PAG1: variants seen among roughly 807,000 people sequenced by gnomAD.
PAG1 encodes the protein phosphoprotein membrane anchor with glycosphingolipid microdomains 1, also known as phosphoprotein associated with glycosphingolipid-enriched microdomains 1.
PAG1 carries 23 observed loss-of-function variants against 31.7 expected under a neutral mutation model. The ratio of observed to expected loss-of-function variants is 0.73; its 90% CI spans 0.52 to 1.03. The LOEUF (loss-of-function observed/expected upper bound fraction) is 1.03, where lower values mean the gene tolerates loss of function less well. Ranked by LOEUF, PAG1 falls within the 50% of genes least tolerant of loss-of-function variation. PAG1 has a pLI of 0.00. For synonymous variants in PAG1, 214 were observed against 210.3 expected (o/e 1.02, Z -0.15); for missense variants, 473 against 540.7 (o/e 0.87, Z 1.24).
chr8:81,020,282 G>A (rs554758015), intron 3 of PAG1, among the ~76,000 whole-genome samples: 22 of 152,284 alleles, frequency 1.4e-4, no homozygotes, highest in African/African-American at 5.1e-4. Flanking sequence ...AGGAAGGCAT[G>A]ATTGGTTTTG....
intron 2 of PAG1, among the ~76,000 whole-genome samples, chr8:81,061,993 T>C (rs1005159988): frequency 2.6e-5 from 4 of 152,216 alleles, no homozygotes; most frequent in African/African-American, 9.6e-5. Context: ...TCATTTTTGG[T>C]GTCTTTGAGG....
intron 3 of PAG1, among the ~76,000 whole-genome samples, chr8:81,014,001 C>T (rs143785027): frequency 1.3e-5 from 2 of 152,168 alleles, no homozygotes; most frequent in African/African-American, 4.8e-5. Flanking sequence ...CACATATTTG[C>T]ATTGACATTT....
At chr8:81,000,355 A>AG (rs1231683090) in intron 3 of PAG1, among the ~76,000 whole-genome samples, 1 of 152,204 alleles carries the variant, frequency 6.6e-6, no homozygotes, top group Non-Finnish European at 1.5e-5. Context: ...GAAGGGAAGG[A>AG]GAGTAATAGG....
intron 1 of PAG1, among the ~76,000 whole-genome samples, chr8:81,083,489 G>A (rs1483637295): frequency 6.6e-6 from 1 of 152,084 alleles, no homozygotes; most frequent in Non-Finnish European, 1.5e-5. Context: ...GGACACCCCA[G>A]CTCTCAATTT....
rs1809070513 is a variant in PAG1, at chr8:81,070,173, G to A, written c.-233-3C>T. 6.6e-6 allele frequency: 1 copy of A among 152,072 alleles called. No individual in the cohort carries two copies. The highest frequency in any genetic ancestry group is 2.4e-5 in the African/African-American group (1 of 41,406). 9.4% of individuals were successfully genotyped at this position (152,072 alleles called of 1,614,324 possible). ...ATAGGAGAAAAATCTCGTGTTTTCTGGAAAAGAAACACAAGAGAAAACAAT... is the reference window on the plus strand; with the variant it reads ...ATAGGAGAAAAATCTCGTGTTTTCTAGAAAAGAAACACAAGAGAAAACAAT... On this transcript the variant is annotated splice_polypyrimidine_tract_variant and splice_region_variant and intron_variant, in intron 1 of 8. Transcript: ENST00000220597.
chr8:81,002,239 A>T (rs918614185), intron 3 of PAG1, among the ~76,000 whole-genome samples: 6 of 150,636 alleles, frequency 4.0e-5, no homozygotes, highest in Admixed American at 1.3e-4. Context: ...TAAAAGACTT[A>T]AAAAAAAATA....
At chr8:81,030,917 G>A (rs952982185) in intron 2 of PAG1, among the ~76,000 whole-genome samples, 2 of 152,240 alleles carry the variant, frequency 1.3e-5, no homozygotes, top group African/African-American at 4.8e-5. Flanking sequence ...ACAAACGGAT[G>A]AAAGAACGGC....
At chr8:81,068,117 G>A (rs1054845566) in intron 2 of PAG1, among the ~76,000 whole-genome samples, 3 of 152,088 alleles carry the variant, frequency 2.0e-5, no homozygotes, top group Non-Finnish European at 2.9e-5. Context: ...GGCTGGTCTC[G>A]AACTCCTGGC....
intron 2 of PAG1, among the ~76,000 whole-genome samples, chr8:81,032,564 T>C (rs1463466784): frequency 6.6e-6 from 1 of 152,200 alleles, no homozygotes; most frequent in African/African-American, 2.4e-5. Context: ...TAAACACGTC[T>C]AAGCTAATAA....
intron 4 of PAG1, 21 bp downstream of exon 4, chr8:80,993,082 T>TA: frequency 6.2e-7 from 1 of 1,609,474 alleles, no homozygotes; most frequent in African/African-American, 1.3e-5. Flanking sequence ...AAGGCACAGG[T>TA]ATATACACTC....
chr8:81,105,191 T>C (rs1157425118), intron 1 of PAG1, among the ~76,000 whole-genome samples: 1 of 152,162 alleles, frequency 6.6e-6, no homozygotes, highest in Admixed American at 6.5e-5. Flanking sequence ...CCAAGCATCC[T>C]TTAAGCACTG....
At chr8:81,090,687 G>A (rs559570051) in intron 1 of PAG1, among the ~76,000 whole-genome samples, 1 of 152,352 alleles carries the variant, frequency 6.6e-6, no homozygotes, top group Non-Finnish European at 1.5e-5. Flanking sequence ...GACACCTGAA[G>A]AGGGAAGTCA....
At chr8:81,068,340 T>A (rs1372883303) in intron 2 of PAG1, among the ~76,000 whole-genome samples, 1 of 152,222 alleles carries the variant, frequency 6.6e-6, no homozygotes, top group African/African-American at 2.4e-5. Flanking sequence ...ATAAAGTCGC[T>A]ACTATTACCA....
intron 1 of PAG1, among the ~76,000 whole-genome samples, chr8:81,089,031 A>G (rs1024036235): frequency 6.6e-6 from 1 of 152,258 alleles, no homozygotes; most frequent in African/African-American, 2.4e-5. Context: ...AATGCTTTTA[A>G]GAACTGTGAA....
intron 1 of PAG1, among the ~76,000 whole-genome samples, chr8:81,079,328 G>GA (rs1272789795): frequency 1.3e-5 from 2 of 151,862 alleles, no homozygotes; most frequent in Non-Finnish European, 1.5e-5. Context: ...TCCTCGACTG[G>GA]AAAAAAACAA....
chr8:81,098,500 G>C (rs1405288964), intron 1 of PAG1, among the ~76,000 whole-genome samples: 1 of 152,172 alleles, frequency 6.6e-6, no homozygotes, highest in Non-Finnish European at 1.5e-5. Context: ...CATGGCCCAG[G>C]ATTTCATGAT....
intron 2 of PAG1, among the ~76,000 whole-genome samples, chr8:81,062,668 T>C (rs1363253010): frequency 6.6e-6 from 1 of 151,358 alleles, no homozygotes; most frequent in Non-Finnish European, 1.5e-5. Context: ...CAGGGTTAAC[T>C]TTATCCTCTC....
chr8:81,096,059 G>T (rs1809523771), intron 1 of PAG1, among the ~76,000 whole-genome samples: 2 of 152,046 alleles, frequency 1.3e-5, no homozygotes, highest in South Asian at 4.2e-4. Flanking sequence ...ATTTCACATT[G>T]GATTTCCTTA....
At chr8:81,049,451 A>T (rs1177197270) in intron 2 of PAG1, among the ~76,000 whole-genome samples, 1 of 152,216 alleles carries the variant, frequency 6.6e-6, no homozygotes, top group Non-Finnish European at 1.5e-5. Flanking sequence ...ACCTATGAAA[A>T]TGCAAAAGTA....
Sources: allele counts gnomAD v4.1 joint callset (sites outside exome capture counted in the v4.1 genomes callset), GRCh38; gene constraint gnomAD v4.1.1; transcripts MANE v1.5; gene names NCBI Gene and HGNC (gene_info 2026-07-23, HGNC 2026-07-21).